The following GPR89A variants were observed in gnomAD, a reference collection of about 807,000 sequenced individuals.
The protein encoded by GPR89A is G protein-coupled receptor 89A.
Under a neutral mutation model 52.0 loss-of-function variants are expected in GPR89A, and 16 were observed. The observed-to-expected ratio is 0.31, with a 90% confidence interval of 0.21 to 0.47. The LOEUF (loss-of-function observed/expected upper bound fraction) is 0.47. Among genes scored for constraint, GPR89A ranks in the 20% least tolerant of loss-of-function variants. The probability of loss-of-function intolerance (pLI) is 1.00; values close to 1 mark genes in which losing one functional copy is unlikely to be tolerated. For synonymous variants in GPR89A, 55 were observed against 150.9 expected (o/e 0.36, Z 4.66); for missense variants, 135 against 449.4 (o/e 0.30, Z 6.33).
At chr1:145,657,618 G>C (rs1206234748) in intron 10 of GPR89A, among the ~76,000 whole-genome samples, 1 of 152,056 alleles carries the variant, frequency 6.6e-6, no homozygotes, top group Non-Finnish European at 1.5e-5. Context: ...TCTGGGCCTG[G>C]AGTTTTCTTT....
In GPR89A at chr1:145,608,027, C is replaced by T. The variant is rs1345943592; in HGVS notation, c.-107C>T. On this transcript the variant is annotated 5_prime_UTR_variant, in exon 1 of 14. Coordinates refer to ENST00000313835, the MANE Select transcript of GPR89A (RefSeq NM_001097612.2). ...TCGGGCTGGAGAGCCGCAGTCCCGG[C>T]TGCAGCACCTGGGAGAAGGCAGACC... 1 of 1,359,846 alleles carries T rather than the reference C, an allele frequency of 7.4e-7. No individual in the cohort carries two copies. Among genetic ancestry groups the T allele is most frequent in the South Asian group, 1.2e-5 (1 of 81,190 alleles). The allele number at this position is 1,359,846 out of a possible 1,614,324, so 84.2% of individuals were successfully genotyped here. A position where few individuals can be genotyped will look rare whatever the true frequency, so the allele number is the denominator to read the frequency against.
Position 145,670,435 on chromosome 1 carries a change from A to G in GPR89A, c.*395A>G, listed in dbSNP as rs1652916145. On this transcript the variant is annotated 3_prime_UTR_variant, in exon 14 of 14. Transcript: ENST00000313835. ...GAAAAGGTTATAGCTTTGCCTTGAG[A>G]TTGACTCATTAAAATCAGAGACTGT... 3.0e-6 allele frequency: 1 copy of G among 329,502 alleles called. No homozygotes were observed. Among genetic ancestry groups the G allele is most frequent in the Admixed American group, 4.6e-5 (1 of 21,606 alleles). 20.4% of individuals were successfully genotyped at this position (329,502 alleles called of 1,614,324 possible). A position where few individuals can be genotyped will look rare whatever the true frequency, so the allele number is the denominator to read the frequency against.
At chr1:145,663,522 C>A in intron 11 of GPR89A, 98 bp downstream of exon 11, 1 of 1,497,646 alleles carries the variant, frequency 6.7e-7, no homozygotes, top group Non-Finnish European at 9.1e-7. Context: ...TAGGTACTTG[C>A]TTCTGCTTTT....
At chr1:145,648,818 T>TTTTTTG (rs1559042746) in intron 10 of GPR89A, among the ~76,000 whole-genome samples, 4 of 95,488 alleles carry the variant, frequency 4.2e-5, no homozygotes, top group African/African-American at 1.4e-4. Context: ...TTTTTTTTTG[T>TTTTTTG]TGAAGACGGA....
chr1:145,635,337 C>T (rs1553690547), intron 7 of GPR89A, among the ~76,000 whole-genome samples: 3 of 151,786 alleles, frequency 2.0e-5, no homozygotes, highest in Admixed American at 2.0e-4. Context: ...ACCCAGGAGG[C>T]GGAGCTTGCG....
chr1:145,608,349 C>T, intron 1 of GPR89A, 174 bp downstream of exon 1: 1 of 1,128,170 alleles, frequency 8.9e-7, no homozygotes, highest in African/African-American at 1.6e-5. Context: ...TTCCCTCAGC[C>T]CCGGCTGTCA....
intron 2 of GPR89A, among the ~76,000 whole-genome samples, chr1:145,618,017 CTG>C (rs1178427088): frequency 6.7e-6 from 1 of 149,054 alleles, no homozygotes; most frequent in Non-Finnish European, 1.5e-5. Flanking sequence ...ATGTACGAAT[CTG>C]TCAGTTTTTT....
At chr1:145,664,299 T>C (rs1652407441) in intron 11 of GPR89A, among the ~76,000 whole-genome samples, 1 of 152,138 alleles carries the variant, frequency 6.6e-6, no homozygotes, top group South Asian at 2.1e-4. Context: ...TAGTGTATCC[T>C]CTTTGAGTGT....
chr1:145,655,198 G>A (rs1651729461), intron 10 of GPR89A, among the ~76,000 whole-genome samples: 1 of 151,748 alleles, frequency 6.6e-6, no homozygotes, highest in South Asian at 2.1e-4. Context: ...CTCCTATAAT[G>A]TTTTATCATG....
At chr1:145,625,924 T>A (rs183288218) in intron 5 of GPR89A, among the ~76,000 whole-genome samples, 28 of 150,808 alleles carry the variant, frequency 1.9e-4, no homozygotes, top group Non-Finnish European at 3.2e-4. Context: ...GTGCCTAGTG[T>A]GGAAACTGAC....
intron 7 of GPR89A, among the ~76,000 whole-genome samples, chr1:145,636,865 C>A (rs2624737): frequency 7.9e-5 from 12 of 152,246 alleles, no homozygotes; most frequent in African/African-American, 1.2e-4. Context: ...GCCACCACCC[C>A]CCCTGCCAGC....
At position 145,646,096 on chromosome 1, in the gene GPR89A, C is replaced by T; in HGVS notation, c.728-88C>T. ...GAATATAGGCAACTCCGGGAATCCA[C>T]TGTAGGAAAAACCAAAAGTATATGC... On this transcript the variant is annotated intron_variant, in intron 8 of 13. Transcript: ENST00000313835. 8 of 1,603,144 alleles carry T rather than the reference C, an allele frequency of 5.0e-6. No homozygotes were observed. The South Asian group carries it at 6.6e-5, about 13-fold the overall frequency.
chr1:145,664,238 C>T (rs1652404414), intron 11 of GPR89A, among the ~76,000 whole-genome samples: 1 of 152,106 alleles, frequency 6.6e-6, no homozygotes, highest in African/African-American at 2.4e-5. Context: ...CAAATTGAGC[C>T]CCAATCCTTG....
chr1:145,667,622 T>C (rs2101848315), intron 12 of GPR89A, among the ~76,000 whole-genome samples: 1 of 152,126 alleles, frequency 6.6e-6, no homozygotes, highest in African/African-American at 2.4e-5. Context: ...TTGCTTTCGG[T>C]GTTTTAGACA....
chr1:145,616,699 A>G (rs1405012181), intron 2 of GPR89A, among the ~76,000 whole-genome samples: 8 of 152,092 alleles, frequency 5.3e-5, no homozygotes, highest in Admixed American at 5.2e-4. Flanking sequence ...ATATTTCAAC[A>G]TAGGTTCTTT....
chr1:145,652,801 A>G (rs1180081931), intron 10 of GPR89A, among the ~76,000 whole-genome samples: 4 of 145,834 alleles, frequency 2.7e-5, no homozygotes, highest in South Asian at 2.1e-4. Flanking sequence ...GTATTCTCTG[A>G]TGGTTATTTG....
chr1:145,648,276 A>C (rs1276232159), intron 10 of GPR89A, among the ~76,000 whole-genome samples: 2 of 151,920 alleles, frequency 1.3e-5, no homozygotes, highest in Non-Finnish European at 2.9e-5. Flanking sequence ...GAGCTTTGTC[A>C]GCTTGTTAGT....
At chr1:145,649,060 T>C (rs1435359381) in intron 10 of GPR89A, among the ~76,000 whole-genome samples, 1 of 152,116 alleles carries the variant, frequency 6.6e-6, no homozygotes, top group Non-Finnish European at 1.5e-5. Context: ...TGCCTCAGCC[T>C]CCCAAAGTGC....
chr1:145,612,320 C>T (rs1453408183), intron 1 of GPR89A: 1 of 152,154 alleles, frequency 6.6e-6, no homozygotes, highest in Non-Finnish European at 1.5e-5. Context: ...CCATTCTTAC[C>T]TCCTTTCCTC....
Sources: allele counts gnomAD v4.1 joint callset (sites outside exome capture counted in the v4.1 genomes callset), GRCh38; gene constraint gnomAD v4.1.1; transcripts MANE v1.5; gene names NCBI Gene and HGNC (gene_info 2026-07-23, HGNC 2026-07-21).